The following SLC12A7 variants were observed in gnomAD, a reference collection of about 807,000 sequenced individuals.
The protein encoded by SLC12A7 is K-Cl cotransporter 4.
SLC12A7 carries 100 observed loss-of-function variants against 120.6 expected under a neutral mutation model. That is an observed-to-expected ratio of 0.83 (90% CI 0.71 to 0.98). SLC12A7 has a LOEUF of 0.98. Among genes scored for constraint, SLC12A7 ranks in the 50% least tolerant of loss-of-function variants. SLC12A7 has a pLI of 0.00. For synonymous variants in SLC12A7, 760 were observed against 678.0 expected (o/e 1.12, Z -1.88); for missense variants, 1,373 against 1,548.1 (o/e 0.89, Z 1.90).
At position 1,111,987 on chromosome 5, in the gene SLC12A7, G is replaced by T; in HGVS notation, c.5C>A (p.Pro2His). 2 of 1,277,732 alleles carry T rather than the reference G, an allele frequency of 1.6e-6. No individual in the cohort carries two copies. 79.1% of individuals were successfully genotyped at this position (1,277,732 alleles called of 1,614,324 possible). Residue 2 changes from proline to histidine, a missense_variant, in exon 1 of 24, where the codon CCC becomes CAC. Coordinates refer to ENST00000264930, the MANE Select transcript of SLC12A7 (RefSeq NM_006598.3). ...CACGGGCACCACGGTGAAGTTGGTG[G>T]GCATGGCCGCCTGCAGCCGACAGTC... M[P>H]TNFTVVPVEA...
Position 1,050,789 on chromosome 5 carries a change from C to A in SLC12A7, c.*1571G>T, listed in dbSNP as rs1223136856. On this transcript the variant is annotated 3_prime_UTR_variant, in exon 24 of 24. Coordinates refer to ENST00000264930, the MANE Select transcript of SLC12A7 (RefSeq NM_006598.3). ...GGCAGAGGCTGTGGGAACTGCTGAG[C>A]CCCGCTGTGATGTCTGGGACACGCT... The A allele has an allele frequency of 1.0e-5, 4 of 398,374 alleles. No individual in the cohort carries two copies. The Admixed American group carries it at 1.8e-4, about 18-fold the overall frequency. 24.7% of individuals were successfully genotyped at this position (398,374 alleles called of 1,614,324 possible).
chr5:1,061,070 GCACC>G (rs1561034878), intron 20 of SLC12A7, among the ~76,000 whole-genome samples: 39 of 102,038 alleles, frequency 3.8e-4, no homozygotes, highest in African/African-American at 1.3e-3. Flanking sequence ...CGCACCCGCC[GCACC>G]TGCCGCATCC....
In SLC12A7 at chr5:1,052,095, G is replaced by A. The variant is rs367918324; in HGVS notation, c.*265C>T. On this transcript the variant is annotated 3_prime_UTR_variant, in exon 24 of 24. Transcript: ENST00000264930. ...GTGACCTGCGAGAAGATCTGGCCACGTCCAGGTCACTCCGGTAGCAGCGTC... is the reference window on the plus strand; with the variant it reads ...GTGACCTGCGAGAAGATCTGGCCACATCCAGGTCACTCCGGTAGCAGCGTC... 18 of 539,468 alleles carry A rather than the reference G, an allele frequency of 3.3e-5. No homozygotes were observed. The highest frequency in any genetic ancestry group is 6.3e-5 in the East Asian group (2 of 31,674). 33.4% of individuals were successfully genotyped at this position (539,468 alleles called of 1,614,324 possible).
At chr5:1,093,711 C>T (rs986347587) in intron 2 of SLC12A7, 56 bp from the exon 3 acceptor site, 1 of 1,602,012 alleles carries the variant, frequency 6.2e-7, no homozygotes, top group Non-Finnish European at 8.5e-7. Context: ...GGCCCCCCGA[C>T]CTCCCTCCCC....
intron 22 of SLC12A7, 47 bp from the exon 23 acceptor site, chr5:1,053,529 G>T: frequency 6.3e-7 from 1 of 1,599,800 alleles, no homozygotes. Context: ...TGCACCCCAC[G>T]CTCCGGACAC....
chr5:1,145,185 T>C, the SLC12A7 span, among the ~76,000 whole-genome samples: 5 of 152,252 alleles, frequency 3.3e-5, no homozygotes, highest in Admixed American at 2.6e-4. The surrounding 1 kb of genome is among the most constrained non-coding windows in gnomAD (Gnocchi z 4.4). Context: ...GTGTGGGGTC[T>C]CTGGAGACAG....
At chr5:1,121,724 C>CG in the SLC12A7 span, among the ~76,000 whole-genome samples, 1 of 152,172 alleles carries the variant, frequency 6.6e-6, no homozygotes, top group African/African-American at 2.4e-5. Flanking sequence ...ATCCCCTGCC[C>CG]GCCCCAGCCA....
intron 20 of SLC12A7, among the ~76,000 whole-genome samples, chr5:1,061,523 CCTGCCGCAT>C (rs1380503239): frequency 2.2e-5 from 3 of 138,784 alleles, no homozygotes; most frequent in African/African-American, 8.5e-5. Flanking sequence ...ACCCGCCGCA[CCTGCCGCAT>C]CCGCCATGCG....
chr5:1,080,880 A>G (rs1303661697), intron 9 of SLC12A7, among the ~76,000 whole-genome samples: 3 of 152,248 alleles, frequency 2.0e-5, no homozygotes, highest in African/African-American at 7.2e-5. Context: ...CTGGGAGAGC[A>G]GCAGACAGGC....
intron 1 of SLC12A7, among the ~76,000 whole-genome samples, chr5:1,109,253 A>C (rs1474848515): frequency 6.6e-6 from 1 of 151,948 alleles, no homozygotes; most frequent in African/African-American, 2.4e-5. Flanking sequence ...GCACCCCTAC[A>C]ACCTGGGAAG....
At chr5:1,098,558 T>C (rs1449470367) in intron 1 of SLC12A7, among the ~76,000 whole-genome samples, 1 of 60,338 alleles carries the variant, frequency 1.7e-5, no homozygotes, top group Non-Finnish European at 3.6e-5. Context: ...TCTAACCCTC[T>C]GCTCACCAAG....
Position 1,091,671 on chromosome 5 carries a change from G to A in SLC12A7, c.342+1862C>T, listed in dbSNP as rs370412639. On this transcript the variant is annotated intron_variant, in intron 3 of 23. Transcript: ENST00000264930. ...CAATACCCAGTTCCACAGCGTCCAC[G>A]TGCGGAAAGGTACTGAGTGCTGAGC... 2.4e-4 allele frequency among the ~76,000 whole-genome samples: 37 copies of A among 152,088 alleles called. 3 individuals carry two copies. The highest frequency in any genetic ancestry group is 1.5e-3 in the East Asian group (8 of 5,164).
Position 1,079,501 on chromosome 5 carries a change from G to C in SLC12A7, c.1298-5C>G. 1.9e-6 allele frequency: 3 copies of C among 1,608,554 alleles called. No individual in the cohort carries two copies. The highest frequency in any genetic ancestry group is 2.6e-6 in the Non-Finnish European group (3 of 1,176,106). On this transcript the variant is annotated splice_region_variant and splice_polypyrimidine_tract_variant and intron_variant, in intron 9 of 23. Coordinates refer to ENST00000264930, the MANE Select transcript of SLC12A7 (RefSeq NM_006598.3). ...GGTTTGAACCCGCCATGATACCTGT[G>C]AACATGGAAAATGCTGCAAAGACCC...
the SLC12A7 span, among the ~76,000 whole-genome samples, chr5:1,123,380 C>T: frequency 6.6e-6 from 1 of 152,178 alleles, no homozygotes; most frequent in Admixed American, 6.5e-5. Flanking sequence ...CCTTGGGTCC[C>T]AGCACCTGCA....
At chr5:1,155,172 T>TC in the SLC12A7 span, among the ~76,000 whole-genome samples, 6 of 148,554 alleles carry the variant, frequency 4.0e-5, no homozygotes, top group Admixed American at 6.7e-5. Flanking sequence ...ACGGTTCTGC[T>TC]CCCCGCAGGG....
the SLC12A7 span, among the ~76,000 whole-genome samples, chr5:1,132,492 C>A: frequency 3.4e-4 from 52 of 152,268 alleles, no homozygotes; most frequent in African/African-American, 1.1e-3. Context: ...CAAGAACCTT[C>A]TCTTGGGGGT....
intron 2 of SLC12A7, 54 bp from the exon 3 acceptor site, chr5:1,093,709 G>T (rs538762748): frequency 6.2e-7 from 1 of 1,602,710 alleles, no homozygotes; most frequent in Admixed American, 1.7e-5. Context: ...TGGGCCCCCC[G>T]ACCTCCCTCC....
the SLC12A7 span, among the ~76,000 whole-genome samples, chr5:1,133,264 C>T: frequency 6.6e-6 from 1 of 152,210 alleles, no homozygotes; most frequent in African/African-American, 2.4e-5. Flanking sequence ...TTTAACCAGG[C>T]GCCCTGCGCT....
In SLC12A7 at chr5:1,052,082, A is replaced by C. The variant is rs111814913; in HGVS notation, c.*278T>G. 271 of 483,958 alleles carry C rather than the reference A, an allele frequency of 5.6e-4. No homozygotes were observed. The highest frequency in any genetic ancestry group is 4.8e-3 in the African/African-American group (243 of 51,026). 30.0% of individuals were successfully genotyped at this position (483,958 alleles called of 1,614,324 possible). ...TCACTGGCTTCTTGTGACCTGCGAG[A>C]AGATCTGGCCACGTCCAGGTCACTC... On this transcript the variant is annotated 3_prime_UTR_variant, in exon 24 of 24. Coordinates refer to ENST00000264930, the MANE Select transcript of SLC12A7 (RefSeq NM_006598.3).
Sources: allele counts gnomAD v4.1 joint callset (sites outside exome capture counted in the v4.1 genomes callset), GRCh38; gene constraint gnomAD v4.1.1; non-coding constraint Gnocchi (gnomAD v3.1); transcripts MANE v1.5; gene names NCBI Gene and HGNC (gene_info 2026-07-23, HGNC 2026-07-21).